The following AGBL1 variants were observed in gnomAD, a reference collection of about 807,000 sequenced individuals.
AGBL1 encodes the protein AGBL carboxypeptidase 1, also known as cytosolic carboxypeptidase 4.
AGBL1 carries 130 observed loss-of-function variants against 118.9 expected under a neutral mutation model. That is an observed-to-expected ratio of 1.09 (90% CI 0.95 to 1.26). The LOEUF (loss-of-function observed/expected upper bound fraction) is 1.26, where lower values mean the gene tolerates loss of function less well. Ranked by LOEUF, AGBL1 falls within the 50% of genes most tolerant of loss-of-function variation. The pLI is 0.00. For missense variants in AGBL1, 1,584 were observed against 1,298.1 expected (o/e 1.22, Z -3.38); for synonymous variants, 555 against 478.9 (o/e 1.16, Z -2.08).
intron 21 of AGBL1, chr15:86,630,396 G>A (rs568833748): frequency 6.6e-6 from 1 of 152,358 alleles, no homozygotes; most frequent in South Asian, 2.1e-4. Flanking sequence ...ATAATGGAAT[G>A]GAGAGCCAGA....
At chr15:86,250,322 C>T (rs1471238978) in intron 7 of AGBL1, among the ~76,000 whole-genome samples, 1 of 151,624 alleles carries the variant, frequency 6.6e-6, no homozygotes, top group Non-Finnish European at 1.5e-5. Flanking sequence ...GTCAGGAGTT[C>T]AAGACTAGCC....
rs567264409 is a variant in AGBL1, at chr15:86,837,923, T to A, written c.3159-69164T>A. On this transcript the variant is annotated intron_variant, in intron 22 of 22. Transcript: ENST00000614907. ...ACACTGGGCCCCCTCTTCCTACCTT[T>A]GTTTGCATCTGTTCTCTGTGCAATC... 6.7e-4 allele frequency among the ~76,000 whole-genome samples: 102 copies of A among 152,294 alleles called. 1 individual carries two copies. Among genetic ancestry groups the A allele is most frequent in the African/African-American group, 2.4e-3 (98 of 41,576 alleles).
intron 22 of AGBL1, among the ~76,000 whole-genome samples, chr15:86,818,078 A>C (rs1052679942): frequency 6.6e-6 from 1 of 151,994 alleles, no homozygotes; most frequent in African/African-American, 2.4e-5. Context: ...CTATTAAATA[A>C]GGCAAGTTTG....
At chr15:86,924,260 T>C (rs1006502555) in intron 23 of AGBL1, among the ~76,000 whole-genome samples, 1 of 152,212 alleles carries the variant, frequency 6.6e-6, no homozygotes, top group Non-Finnish European at 1.5e-5. Context: ...TGAAAGGACA[T>C]TGTGATCCTA....
At chr15:86,906,799 A>G (rs898307542) in intron 22 of AGBL1, among the ~76,000 whole-genome samples, 1 of 152,046 alleles carries the variant, frequency 6.6e-6, no homozygotes, top group African/African-American at 2.4e-5. Flanking sequence ...AGAAGCCTGC[A>G]AATTGTTACA....
chr15:86,272,039 C>T (rs1311378934), intron 15 of AGBL1, among the ~76,000 whole-genome samples: 2 of 152,118 alleles, frequency 1.3e-5, no homozygotes, highest in African/African-American at 4.8e-5. Flanking sequence ...TACTTATTTC[C>T]GCTGAACCCA....
intron 1 of AGBL1, among the ~76,000 whole-genome samples, chr15:86,102,599 A>G (rs996374584): frequency 1.3e-5 from 2 of 152,150 alleles, no homozygotes; most frequent in Non-Finnish European, 2.9e-5. Flanking sequence ...AGCACTTTTA[A>G]TATATCATCT....
intron 22 of AGBL1, among the ~76,000 whole-genome samples, chr15:86,822,875 T>A (rs1454585842): frequency 1.3e-5 from 2 of 152,010 alleles, no homozygotes; most frequent in Non-Finnish European, 2.9e-5. Flanking sequence ...ACATCAGAGT[T>A]GTTTTGACCT....
chr15:86,527,433 G>A (rs549613228), intron 19 of AGBL1, among the ~76,000 whole-genome samples: 18 of 152,258 alleles, frequency 1.2e-4, no homozygotes, highest in African/African-American at 4.1e-4. Context: ...CATCTGAGAG[G>A]TGGGTGAGAA....
Position 86,702,761 on chromosome 15 carries a change from A to G in AGBL1, c.3158+28325A>G, listed in dbSNP as rs141496753. Among the ~76,000 whole-genome samples, 266 of 152,144 alleles carry G rather than the reference A, an allele frequency of 1.7e-3. 4 individuals carry two copies. The East Asian group carries it at 0.022, about 13-fold the overall frequency. On this transcript the variant is annotated intron_variant, in intron 22 of 22. Transcript: ENST00000614907. Reference sequence around the variant, plus strand: ...CTCTTAACAGTCTAAGTACTTGGTAATATAGTTCACTTGCTTGTCTTCGTC... The same window carrying G: ...CTCTTAACAGTCTAAGTACTTGGTAGTATAGTTCACTTGCTTGTCTTCGTC...
intron 22 of AGBL1, among the ~76,000 whole-genome samples, chr15:86,803,101 T>A (rs201202141): frequency 1.6e-4 from 25 of 152,214 alleles, no homozygotes; most frequent in African/African-American, 6.0e-4. Context: ...GAATTTAGAT[T>A]TGTTTCATAA....
intron 22 of AGBL1, among the ~76,000 whole-genome samples, chr15:86,871,142 C>T (rs556425693): frequency 3.3e-5 from 5 of 152,262 alleles, no homozygotes; most frequent in South Asian, 4.1e-4. Flanking sequence ...TCAGAAAAGC[C>T]GTTGTCATTT....
chr15:86,395,340 T>C (rs2081347257), intron 17 of AGBL1, among the ~76,000 whole-genome samples: 1 of 152,028 alleles, frequency 6.6e-6, no homozygotes, highest in South Asian at 2.1e-4. Flanking sequence ...CAGAAGACCC[T>C]CCTCACCGTC....
intron 6 of AGBL1, among the ~76,000 whole-genome samples, chr15:86,225,896 T>C (rs776594338): frequency 7.2e-5 from 11 of 152,126 alleles, no homozygotes; most frequent in Non-Finnish European, 1.3e-4. Context: ...CCAAATCACA[T>C]GCTGTTTCCC....
intron 1 of AGBL1, among the ~76,000 whole-genome samples, chr15:86,115,598 T>A (rs1033239978): frequency 5.9e-5 from 9 of 152,194 alleles, no homozygotes; most frequent in African/African-American, 2.2e-4. Context: ...CTTAGTCACC[T>A]TCCAACATCT....
intron 18 of AGBL1, among the ~76,000 whole-genome samples, chr15:86,459,292 A>G (rs8027931): frequency 0.43 from 64,971 of 151,894 alleles, 14,432 homozygotes; most frequent in Non-Finnish European, 0.48. Context: ...TTATACTACC[A>G]GTTTTCCTCT....
intron 21 of AGBL1, among the ~76,000 whole-genome samples, chr15:86,582,512 G>A (rs539596818): frequency 2.5e-4 from 38 of 152,176 alleles, no homozygotes; most frequent in Middle Eastern, 3.4e-3. Flanking sequence ...CCATTACTGC[G>A]TATATACCCA....
intron 22 of AGBL1, among the ~76,000 whole-genome samples, chr15:86,752,885 A>C (rs1224156932): frequency 6.6e-6 from 1 of 152,140 alleles, no homozygotes; most frequent in Non-Finnish European, 1.5e-5. Context: ...GATGAGGGAC[A>C]TTAATTGCTA....
chr15:86,498,709 C>T (rs1318154560), intron 18 of AGBL1, among the ~76,000 whole-genome samples: 1 of 151,804 alleles, frequency 6.6e-6, no homozygotes, highest in Non-Finnish European at 1.5e-5. Flanking sequence ...GGCCTATTTA[C>T]AAGATACTGG....
Sources: allele counts gnomAD v4.1 joint callset (sites outside exome capture counted in the v4.1 genomes callset), GRCh38; gene constraint gnomAD v4.1.1; transcripts MANE v1.5; gene names NCBI Gene and HGNC (gene_info 2026-07-23, HGNC 2026-07-21).